Variants in DCP1B observed in about 807,000 individuals in gnomAD.
DCP1B encodes mRNA-decapping enzyme 1B.
A neutral mutation model predicts 60.5 loss-of-function variants in DCP1B; 47 were observed. That is an observed-to-expected ratio of 0.78 (90% CI 0.61 to 0.99). The LOEUF (loss-of-function observed/expected upper bound fraction) is 0.99, where lower values mean the gene tolerates loss of function less well. Ranked by LOEUF, DCP1B falls within the 50% of genes least tolerant of loss-of-function variation. The probability of loss-of-function intolerance (pLI) is 0.00; values close to 1 mark genes in which losing one functional copy is unlikely to be tolerated. For missense variants in DCP1B, 725 were observed against 756.8 expected, an observed-to-expected ratio of 0.96 and a Z score of 0.49; for synonymous variants, 267 against 280.3, an observed-to-expected ratio of 0.95 and a Z score of 0.47.
Position 1,946,224 on chromosome 12 carries a change from G to T in DCP1B, c.1836C>A (p.Ala612=). The change falls in exon 9 of 9, where the codon GCC becomes GCA. Residue 612 remains alanine, a synonymous_variant. Transcript: ENST00000280665. ...CTTGCTGTCACATAGTCTTTTTCAT[G>T]GCTGCTTGAGTCATGCTGAAGAGAT... ...EAYLFSMTQA[A]MKKTM 19 of 1,603,992 alleles carry T rather than the reference G, an allele frequency of 1.2e-5. No homozygotes were observed. The highest frequency in any genetic ancestry group is 1.6e-5 in the Non-Finnish European group (19 of 1,176,098).
intron 3 of DCP1B, among the ~76,000 whole-genome samples, chr12:1,972,963 A>T (rs2032997785): frequency 6.6e-6 from 1 of 152,200 alleles, no homozygotes; most frequent in African/African-American, 2.4e-5. Context: ...GCATCCATAG[A>T]TGGGAAACAC....
intron 1 of DCP1B, among the ~76,000 whole-genome samples, chr12:2,003,483 T>C (rs1355071869): frequency 6.6e-6 from 1 of 152,244 alleles, no homozygotes; most frequent in Admixed American, 6.5e-5. Context: ...TACATGTCTC[T>C]ACATTCGAGT....
intron 2 of DCP1B, among the ~76,000 whole-genome samples, chr12:1,996,643 AAAAAAAAAAAAAC>A (rs1319623642): frequency 0.048 from 4,871 of 102,246 alleles, 309 homozygotes; most frequent in East Asian, 0.091. Flanking sequence ...AAAAAAAAAA[AAAAAAAAAAAAAC>A]AACAAACTCT....
intron 3 of DCP1B, chr12:1,991,135 CA>C: frequency 2.2e-6 from 1 of 456,072 alleles, no homozygotes; most frequent in South Asian, 1.5e-5. Context: ...AATTTGCATC[CA>C]TGTTTAATAG....
chr12:1,953,186 G>C lies in DCP1B; in HGVS notation c.754C>G (p.Gln252Glu). The C allele has an allele frequency of 6.2e-7, 1 of 1,612,210 alleles. No individual in the cohort carries two copies. The highest frequency in any genetic ancestry group is 1.1e-5 in the South Asian group (1 of 91,066). The change falls in exon 7 of 9, where the codon CAG becomes GAG. Residue 252 changes from glutamine to glutamate, a missense_variant. By Grantham distance (29) the Gln-to-Glu change is conservative (BLOSUM62 2). Coordinates refer to ENST00000280665, the MANE Select transcript of DCP1B (RefSeq NM_152640.5). Reference sequence around the variant, plus strand: ...TGCTGCTGCTGCTGCTGCTGCTGCTGGTGGAGAGTCTGCGGAGGCTCCACA... The same window carrying C: ...TGCTGCTGCTGCTGCTGCTGCTGCTCGTGGAGAGTCTGCGGAGGCTCCACA... ...ETVEPPQTLH[Q>E]QQQQQQQQQE...
intron 5 of DCP1B, chr12:1,961,297 A>G (rs1383939060): frequency 6.6e-6 from 1 of 152,248 alleles, no homozygotes; most frequent in Non-Finnish European, 1.5e-5. Context: ...GAAGACTCCA[A>G]GGGTTCCTGT....
chr12:1,972,446 C>T (rs2032723018), intron 3 of DCP1B, among the ~76,000 whole-genome samples: 1 of 152,042 alleles, frequency 6.6e-6, no homozygotes, highest in Non-Finnish European at 1.5e-5. Context: ...TACACATGCA[C>T]ACACAGCTAC....
At chr12:1,987,362 A>T (rs2038097938) in intron 3 of DCP1B, among the ~76,000 whole-genome samples, 1 of 152,246 alleles carries the variant, frequency 6.6e-6, no homozygotes, top group Non-Finnish European at 1.5e-5. Context: ...TTGGAAAGCT[A>T]ACCACAACTA....
At chr12:1,964,816 A>G (rs1443454459) in intron 5 of DCP1B, among the ~76,000 whole-genome samples, 1 of 152,200 alleles carries the variant, frequency 6.6e-6, no homozygotes, top group African/African-American at 2.4e-5. Context: ...CATCAACACC[A>G]TACTGTTTGA....
At chr12:1,946,782 C>A (rs111652867) in intron 8 of DCP1B, among the ~76,000 whole-genome samples, 120 of 152,326 alleles carry the variant, frequency 7.9e-4, no homozygotes, top group African/African-American at 2.7e-3. Flanking sequence ...TCACTGCAGC[C>A]TCAACCTCAT....
chr12:1,986,034 C>T (rs931523768), intron 3 of DCP1B, among the ~76,000 whole-genome samples: 4 of 152,142 alleles, frequency 2.6e-5, no homozygotes, highest in African/African-American at 4.8e-5. Context: ...AGGATGGTCT[C>T]GATCTCCTGA....
At chr12:1,959,107 G>A (rs2031024245) in intron 5 of DCP1B, among the ~76,000 whole-genome samples, 1 of 151,710 alleles carries the variant, frequency 6.6e-6, no homozygotes, top group South Asian at 2.1e-4. Context: ...GCTCCCCAAC[G>A]TCGCTCTGGG....
intron 3 of DCP1B, among the ~76,000 whole-genome samples, chr12:1,969,270 A>G (rs938812063): frequency 1.1e-4 from 16 of 152,344 alleles, no homozygotes; most frequent in African/African-American, 3.8e-4. Flanking sequence ...AATGATTCAT[A>G]TATCAAAAGG....
chr12:1,963,481 T>C (rs969446684), intron 5 of DCP1B, among the ~76,000 whole-genome samples: 3 of 152,376 alleles, frequency 2.0e-5, no homozygotes, highest in Admixed American at 6.5e-5. Context: ...GTTGGTGCCT[T>C]AGCACCTTCA....
At chr12:1,963,047 AAGTT>A (rs1243820517) in intron 5 of DCP1B, among the ~76,000 whole-genome samples, 1 of 152,198 alleles carries the variant, frequency 6.6e-6, no homozygotes, top group Non-Finnish European at 1.5e-5. Context: ...GTAAACTAAA[AAGTT>A]AGAGCTCAAG....
chr12:1,953,289 C>G lies in DCP1B; in HGVS notation c.652-1G>C, dbSNP rs756645538. The stretch of plus-strand genomic sequence containing the variant: ...AGTGTTGGGGTTCAGGGTCTAAGGT[C>G]TGGAAAAAATAAAGATATCTGACAT... On this transcript the variant is annotated splice_acceptor_variant, in intron 6 of 8. Transcript: ENST00000280665. LOFTEE classifies it high-confidence loss of function. 6.4e-7 allele frequency: 1 copy of G among 1,558,530 alleles called. No homozygotes were observed. The highest frequency in any genetic ancestry group is 1.2e-5 in the South Asian group (1 of 85,482).
intron 5 of DCP1B, among the ~76,000 whole-genome samples, chr12:1,964,065 T>C (rs2154457044): frequency 6.6e-6 from 1 of 152,276 alleles, no homozygotes; most frequent in South Asian, 2.1e-4. Flanking sequence ...ATGCCAACAT[T>C]ACTACAAACA....
At chr12:1,977,885 A>G (rs898988743) in intron 3 of DCP1B, among the ~76,000 whole-genome samples, 1 of 152,218 alleles carries the variant, frequency 6.6e-6, no homozygotes, top group Non-Finnish European at 1.5e-5. Flanking sequence ...AAGACAATCA[A>G]GTTTATACTT....
chr12:1,945,420 A>G (rs2030385043), downstream of DCP1B, among the ~76,000 whole-genome samples: 1 of 152,224 alleles, frequency 6.6e-6, no homozygotes, highest in African/African-American at 2.4e-5. Context: ...CAGCAATCCC[A>G]TTACTGGGTA....
Sources: allele counts gnomAD v4.1 joint callset (sites outside exome capture counted in the v4.1 genomes callset), GRCh38; gene constraint gnomAD v4.1.1; transcripts MANE v1.5; gene names NCBI Gene and HGNC (gene_info 2026-07-23, HGNC 2026-07-21).